The following UBE3B variants were observed in gnomAD, a reference collection of about 807,000 sequenced individuals.
UBE3B encodes ubiquitin protein ligase E3B, also known as ubiquitin-protein ligase E3B.
A neutral mutation model predicts 132.3 loss-of-function variants in UBE3B; 80 were observed. The ratio of observed to expected loss-of-function variants is 0.60; its 90% CI spans 0.50 to 0.73. UBE3B has a LOEUF of 0.73. Among genes scored for constraint, UBE3B ranks in the 30% least tolerant of loss-of-function variants. The pLI, the probability that UBE3B is intolerant of heterozygous loss-of-function variation, is 0.00. For synonymous variants in UBE3B, 487 were observed against 520.4 expected (o/e 0.94, Z 0.87); for missense variants, 1,196 against 1,362.5 (o/e 0.88, Z 1.92).
At chr12:109,543,995 C>T in the UBE3B span, among the ~76,000 whole-genome samples, 2 of 152,022 alleles carry the variant, frequency 1.3e-5, no homozygotes, top group African/African-American at 2.4e-5. Flanking sequence ...GAGGGGGTGT[C>T]GGCCTCTGTC....
Position 109,510,327 on chromosome 12 carries a change from G to C in UBE3B, c.1742-17G>C, listed in dbSNP as rs753464361. The C allele has an allele frequency of 1.6e-5, 26 of 1,582,622 alleles. No individual in the cohort carries two copies. Among genetic ancestry groups the C allele is most frequent in the African/African-American group, 9.4e-5 (7 of 74,530 alleles). On this transcript the variant is annotated splice_polypyrimidine_tract_variant and intron_variant, in intron 16 of 27. Coordinates refer to ENST00000342494, the MANE Select transcript of UBE3B (RefSeq NM_130466.4). ...CTCTGACTCCTCCTCTGACTTTCCT[G>C]TTTGTTTGTCCCACAGAGAACGCCA...
chr12:109,530,777 A>G (rs1882856324), intron 26 of UBE3B, 119 bp downstream of exon 26: 1 of 994,486 alleles, frequency 1.0e-6, no homozygotes, highest in East Asian at 2.7e-5. Flanking sequence ...GATAGTCAGC[A>G]CATCCTCTCC....
chr12:109,540,392 A>G (rs1883586598), downstream of UBE3B, among the ~76,000 whole-genome samples: 1 of 152,076 alleles, frequency 6.6e-6, no homozygotes. Context: ...TGTATTTTTT[A>G]TAGAAACAGG....
At chr12:109,495,099 C>T (rs946670997) in intron 9 of UBE3B, among the ~76,000 whole-genome samples, 2 of 152,228 alleles carry the variant, frequency 1.3e-5, no homozygotes, top group African/African-American at 2.4e-5. Context: ...ATGTGCCCCA[C>T]TCAGATCAGA....
chr12:109,528,413 A>T (rs899947989), intron 24 of UBE3B: 5 of 985,106 alleles, frequency 5.1e-6, no homozygotes, highest in Middle Eastern at 1.0e-3. Context: ...GTATTAATAT[A>T]CAGGTTTGCT....
chr12:109,533,551 A>G lies in UBE3B; in HGVS notation c.3008A>G (p.Asp1003Gly). ...TCCATCCGCTGCGTGGAGGTGTCGG[A>G]CGATCAGGTACCCCCACGGGGTGGG... is the stretch of plus-strand genomic sequence containing the variant. The part of the protein sequence containing the change: ...PFSIRCVEVS[D>G]DQDTGDTLGS... Residue 1003 changes from aspartate (D) to glycine (G), a missense_variant, in exon 27 of 28, where the codon GAC (aspartate) becomes GGC (glycine). Physicochemically the swap from Asp to Gly is moderately conservative, Grantham distance 94. Transcript: ENST00000342494. 1.2e-6 allele frequency: 2 copies of G among 1,612,696 alleles called. No individual in the cohort carries two copies. Among genetic ancestry groups the G allele is most frequent in the Non-Finnish European group, 1.7e-6 (2 of 1,179,828 alleles).
At chr12:109,506,228 G>T (rs1879659577) in intron 14 of UBE3B, among the ~76,000 whole-genome samples, 1 of 152,240 alleles carries the variant, frequency 6.6e-6, no homozygotes, top group Admixed American at 6.5e-5. Flanking sequence ...AAGGTGGCGA[G>T]CCTGCAAGAT....
chr12:109,502,539 C>T (rs1879134199), intron 13 of UBE3B, among the ~76,000 whole-genome samples: 3 of 152,278 alleles, frequency 2.0e-5, no homozygotes, highest in Admixed American at 2.0e-4. Context: ...GTGGGCTCAG[C>T]AAATGTGACT....
At chr12:109,533,769 C>CA (rs761956004) in intron 27 of UBE3B, 44 of 843,292 alleles carry the variant, frequency 5.2e-5, no homozygotes, top group African/African-American at 4.3e-4. Context: ...CCTCTCTCGG[C>CA]AGCCCCTTTC....
downstream of UBE3B, among the ~76,000 whole-genome samples, chr12:109,538,419 C>A (rs1883531577): frequency 6.6e-6 from 1 of 152,186 alleles, no homozygotes; most frequent in Non-Finnish European, 1.5e-5. This position sits in a 1 kb window ranked among gnomAD's most constrained non-coding sequence, Gnocchi z 4.1. Flanking sequence ...GATGTGTGAG[C>A]AAACCCCAAC....
chr12:109,487,926 G>A (rs150261387), intron 6 of UBE3B, among the ~76,000 whole-genome samples: 37 of 152,314 alleles, frequency 2.4e-4, no homozygotes, highest in Middle Eastern at 3.4e-3. Context: ...TATAGGGTCT[G>A]TGGGCCTAGA....
Position 109,521,290 on chromosome 12 carries a change from A to G in UBE3B, c.2219A>G (p.Lys740Arg), listed in dbSNP as rs1187930625. The G allele has an allele frequency of 1.2e-6, 2 of 1,614,236 alleles. No individual in the cohort carries two copies. The highest frequency in any genetic ancestry group is 3.3e-5 in the Admixed American group (2 of 60,022). ...VFKEFLEEIIKRVFDPALNLF... is the reference protein window; with the variant it reads ...VFKEFLEEIIRRVFDPALNLF... Reference sequence around the variant, plus strand: ...AAGGAGTTCTTGGAAGAGATCATCAAGAGAGTTTTTGACCCAGCACTCAAT... The same window carrying G: ...AAGGAGTTCTTGGAAGAGATCATCAGGAGAGTTTTTGACCCAGCACTCAAT... Residue 740 changes from lysine to arginine, a missense_variant, in exon 20 of 28, where the codon AAG (lysine) becomes AGG (arginine). Lys to Arg is a conservative substitution (Grantham distance 26). Transcript: ENST00000342494. This position sits in a 1 kb window ranked among gnomAD's most constrained non-coding sequence, Gnocchi z 4.2.
Position 109,534,053 on chromosome 12 carries a change from G to A in UBE3B, c.3015+495G>A. The stretch of plus-strand genomic sequence containing the variant: ...GTGTCTCAAGCCTGGCCCACTGTGG[G>A]TGCTCAAATGAGAGTCCTACTCCCC... On this transcript the variant is annotated intron_variant, in intron 27 of 27. Transcript: ENST00000342494. The surrounding 1 kb of genome is among the most constrained non-coding windows in gnomAD (Gnocchi z 5.2). The A allele has an allele frequency of 7.7e-7, 1 of 1,294,686 alleles. No individual in the cohort carries two copies. The highest frequency in any genetic ancestry group is 1.0e-6 in the Non-Finnish European group (1 of 992,770). The allele number at this position is 1,294,686 out of a possible 1,614,324, so 80.2% of individuals were successfully genotyped here. A position where few individuals can be genotyped will look rare whatever the true frequency, so the allele number is the denominator to read the frequency against.
At chr12:109,515,714 A>C (rs1007644103) in intron 18 of UBE3B, among the ~76,000 whole-genome samples, 2 of 152,116 alleles carry the variant, frequency 1.3e-5, no homozygotes, top group African/African-American at 4.8e-5. Context: ...ACTTTGGGGG[A>C]GATTCCCATT....
At chr12:109,527,898 A>T (rs979150409) in intron 24 of UBE3B, among the ~76,000 whole-genome samples, 1 of 152,208 alleles carries the variant, frequency 6.6e-6, no homozygotes, top group Admixed American at 6.5e-5. Context: ...CAGATGGGTG[A>T]CGTGTCACAT....
intron 14 of UBE3B, among the ~76,000 whole-genome samples, chr12:109,505,089 GA>G (rs1879499464): frequency 6.6e-6 from 1 of 152,148 alleles, no homozygotes; most frequent in Middle Eastern, 3.2e-3. Context: ...TTTCCCAAGT[GA>G]GAGAATCCAA....
At chr12:109,497,667 C>T (rs781555443) in intron 9 of UBE3B, 151 bp from the exon 10 acceptor site, 2 of 741,230 alleles carry the variant, frequency 2.7e-6, no homozygotes, top group Non-Finnish European at 2.3e-6. Context: ...TTGTCCATTT[C>T]CCCAGTGTAT....
chr12:109,532,427 C>T (rs1883027764), intron 26 of UBE3B, among the ~76,000 whole-genome samples: 1 of 152,190 alleles, frequency 6.6e-6, no homozygotes, highest in African/African-American at 2.4e-5. Flanking sequence ...CATAAACTGT[C>T]TTTGGATGGT....
chr12:109,489,943 A>G lies in UBE3B; in HGVS notation c.569A>G (p.Asn190Ser). Residue 190 changes from asparagine to serine, a missense_variant, in exon 8 of 28, where the codon AAC becomes AGC. Asn to Ser is a conservative substitution (Grantham distance 46). Coordinates refer to ENST00000342494, the MANE Select transcript of UBE3B (RefSeq NM_130466.4). Reference protein sequence around the residue: ...GKGESLRPAMNHICANIMGHL... With the variant: ...GKGESLRPAMSHICANIMGHL... Reference sequence around the variant, plus strand: ...GGTGAAAGTCTTCGACCAGCGATGAACCACATTTGTGCAAATATAATGGGA... The same window carrying G: ...GGTGAAAGTCTTCGACCAGCGATGAGCCACATTTGTGCAAATATAATGGGA... 6.2e-7 allele frequency: 1 copy of G among 1,614,136 alleles called. No homozygotes were observed. Among genetic ancestry groups the G allele is most frequent in the Non-Finnish European group, 8.5e-7 (1 of 1,180,014 alleles).
Sources: gnomAD v4.1 joint callset for allele counts (sites outside exome capture counted in the v4.1 genomes callset) on GRCh38, gnomAD v4.1.1 for gene constraint, Gnocchi (gnomAD v3.1) non-coding constraint, MANE v1.5 for transcripts, NCBI Gene and HGNC (gene_info 2026-07-23, HGNC 2026-07-21) for gene names.